The following SLCO6A1 variants were observed in gnomAD, a reference collection of about 807,000 sequenced individuals.
SLCO6A1 encodes cancer/testis antigen 48.
In SLCO6A1, 65 loss-of-function variants were observed where a neutral mutation model predicts 72.7. That is an observed-to-expected ratio of 0.89 (90% CI 0.73 to 1.10). SLCO6A1 has a LOEUF of 1.10. SLCO6A1 is among the 50% of genes least tolerant of loss of function. The pLI, the probability that SLCO6A1 is intolerant of heterozygous loss-of-function variation, is 0.00. For missense variants in SLCO6A1, 874 were observed against 872.6 expected, an observed-to-expected ratio of 1.00 and a Z score of -0.02; for synonymous variants, 314 against 298.2, an observed-to-expected ratio of 1.05 and a Z score of -0.55.
chr5:102,476,311 T>G (rs998691661), intron 3 of SLCO6A1, among the ~76,000 whole-genome samples: 10 of 152,074 alleles, frequency 6.6e-5, no homozygotes. Flanking sequence ...AAAATACAAT[T>G]ATGAGGCCTA....
intron 12 of SLCO6A1, among the ~76,000 whole-genome samples, chr5:102,374,783 G>C (rs1745688051): frequency 6.6e-6 from 1 of 152,098 alleles, no homozygotes; most frequent in African/African-American, 2.4e-5. Flanking sequence ...ATTCTCTTTA[G>C]GGTATAGCTT....
At chr5:102,434,814 A>AT (rs894621443) in intron 7 of SLCO6A1, among the ~76,000 whole-genome samples, 10 of 151,256 alleles carry the variant, frequency 6.6e-5, no homozygotes, top group South Asian at 2.1e-4. Context: ...AACTATTACT[A>AT]TTTTTTTTTC....
At chr5:102,438,523 ATTCTTT>A in intron 7 of SLCO6A1, 88 bp downstream of exon 7, 1 of 1,027,456 alleles carries the variant, frequency 9.7e-7, no homozygotes, top group Non-Finnish European at 1.4e-6. Context: ...TAGGTATATA[ATTCTTT>A]ATATTTTTAT....
chr5:102,421,929 G>T (rs1748629480), intron 7 of SLCO6A1, among the ~76,000 whole-genome samples: 1 of 152,208 alleles, frequency 6.6e-6, no homozygotes, highest in Non-Finnish European at 1.5e-5. Context: ...AAAGGAGCAG[G>T]CAGCAATCTC....
chr5:102,380,947 T>C (rs1016063536), intron 12 of SLCO6A1, among the ~76,000 whole-genome samples: 4 of 151,914 alleles, frequency 2.6e-5, no homozygotes, highest in African/African-American at 9.7e-5. Context: ...CTAAGCTTTA[T>C]AATGGTTTAA....
intron 6 of SLCO6A1, among the ~76,000 whole-genome samples, chr5:102,453,439 A>T (rs1369066505): frequency 2.0e-5 from 3 of 152,154 alleles, no homozygotes; most frequent in African/African-American, 7.2e-5. Flanking sequence ...TGTTTACTAC[A>T]TCCAACACCT....
intron 7 of SLCO6A1, among the ~76,000 whole-genome samples, chr5:102,430,995 A>G (rs1749186431): frequency 6.6e-6 from 1 of 152,054 alleles, no homozygotes; most frequent in African/African-American, 2.4e-5. Flanking sequence ...CTGTTCAGGA[A>G]TTTAATTTCT....
intron 2 of SLCO6A1, among the ~76,000 whole-genome samples, chr5:102,479,484 A>T (rs575539590): frequency 6.6e-6 from 1 of 152,248 alleles, no homozygotes; most frequent in South Asian, 2.1e-4. Flanking sequence ...AATTTCAAGC[A>T]TCTACATTCT....
At chr5:102,474,371 C>T (rs1227597336) in intron 4 of SLCO6A1, among the ~76,000 whole-genome samples, 2 of 151,952 alleles carry the variant, frequency 1.3e-5, no homozygotes, top group South Asian at 2.1e-4. Context: ...TGGATATCCA[C>T]ATGCAAAAGA....
intron 8 of SLCO6A1, among the ~76,000 whole-genome samples, chr5:102,415,501 G>A (rs929100148): frequency 7.9e-5 from 12 of 152,164 alleles, no homozygotes; most frequent in South Asian, 2.1e-4. Context: ...AAATTGGATT[G>A]TTATGTATAA....
intron 7 of SLCO6A1, among the ~76,000 whole-genome samples, chr5:102,421,460 G>T (rs1162068007): frequency 6.6e-6 from 1 of 152,128 alleles, no homozygotes; most frequent in Non-Finnish European, 1.5e-5. Flanking sequence ...CATTACTGAG[G>T]CTTGAGTAGG....
chr5:102,498,396 C>T (rs773149135), intron 1 of SLCO6A1, 91 bp downstream of exon 1: 39 of 1,297,514 alleles, frequency 3.0e-5, no homozygotes, highest in Middle Eastern at 2.1e-4. Context: ...CTGGGCCACC[C>T]CAGGGCGTCC....
intron 6 of SLCO6A1, among the ~76,000 whole-genome samples, chr5:102,445,805 C>G (rs1476652165): frequency 6.6e-6 from 1 of 152,196 alleles, no homozygotes; most frequent in Non-Finnish European, 1.5e-5. Flanking sequence ...GTTATCCCAG[C>G]ATCATTTATT....
At position 102,477,777 on chromosome 5, in the gene SLCO6A1, A is replaced by C; in HGVS notation, c.701T>G (p.Leu234Arg). ...FQSKYLSFFI[L>R]GQTVQGIAGM... Reference sequence around the variant, plus strand: ...TGCTATTCCCTGCACAGTCTGCCCAAGGATGAAGAAAGACAGGTATTTTGA... The same window carrying C: ...TGCTATTCCCTGCACAGTCTGCCCACGGATGAAGAAAGACAGGTATTTTGA... The change falls in exon 3 of 14, where the codon CTT becomes CGT. Residue 234 changes from leucine (L) to arginine (R), a missense_variant. Physicochemically the swap from Leu to Arg is moderately radical, Grantham distance 102. Coordinates refer to ENST00000506729, the MANE Select transcript of SLCO6A1 (RefSeq NM_173488.5). 6.2e-7 allele frequency: 1 copy of C among 1,613,822 alleles called. No individual in the cohort carries two copies. The highest frequency in any genetic ancestry group is 8.5e-7 in the Non-Finnish European group (1 of 1,179,816).
intron 7 of SLCO6A1, among the ~76,000 whole-genome samples, chr5:102,432,340 C>T (rs72779972): frequency 0.18 from 27,082 of 151,988 alleles, 3,242 homozygotes; most frequent in Non-Finnish European, 0.23. Context: ...CAATGGTTTG[C>T]ATACTTAAGT....
At chr5:102,486,120 C>T (rs984709947) in intron 1 of SLCO6A1, among the ~76,000 whole-genome samples, 1 of 152,112 alleles carries the variant, frequency 6.6e-6, no homozygotes, top group Non-Finnish European at 1.5e-5. Flanking sequence ...CCAAATTTAG[C>T]TATGTAAAGC....
chr5:102,460,853 C>A (rs1260054255), intron 4 of SLCO6A1, among the ~76,000 whole-genome samples: 1 of 77,602 alleles, frequency 1.3e-5, no homozygotes, highest in South Asian at 4.0e-4. Flanking sequence ...ATAGAAATTC[C>A]AATTTTCCTA....
intron 1 of SLCO6A1, among the ~76,000 whole-genome samples, chr5:102,492,569 T>A (rs1230300226): frequency 6.6e-6 from 1 of 151,624 alleles, no homozygotes; most frequent in Non-Finnish European, 1.5e-5. Flanking sequence ...CCACCGAGTG[T>A]GAGCTGAAGC....
chr5:102,390,880 G>A, intron 11 of SLCO6A1, 101 bp downstream of exon 11: 1 of 1,000,262 alleles, frequency 1.0e-6, no homozygotes. Context: ...CTCGCTTTGT[G>A]TCATTTACTA....
Sources: allele counts gnomAD v4.1 joint callset (sites outside exome capture counted in the v4.1 genomes callset), GRCh38; gene constraint gnomAD v4.1.1; transcripts MANE v1.5; gene names NCBI Gene and HGNC (gene_info 2026-07-23, HGNC 2026-07-21).